The following MYCT1 variants were observed in gnomAD, a reference collection of about 807,000 sequenced individuals.
MYCT1 encodes MYC target 1.
Under a neutral mutation model 15.0 loss-of-function variants are expected in MYCT1, and 12 were observed. The observed-to-expected ratio is 0.80, with a 90% CI of 0.51 to 1.29. MYCT1 has a LOEUF of 1.29. Among genes scored for constraint, MYCT1 ranks in the 50% most tolerant of loss-of-function variants. The pLI, the probability that MYCT1 is intolerant of heterozygous loss-of-function variation, is 0.00. For missense variants in MYCT1, 287 were observed against 279.1 expected, an observed-to-expected ratio of 1.03 and a Z score of -0.20; for synonymous variants, 104 against 102.7, an observed-to-expected ratio of 1.01 and a Z score of -0.07.
the MYCT1 span, among the ~76,000 whole-genome samples, chr6:152,736,405 G>A: frequency 1.3e-5 from 2 of 152,102 alleles, no homozygotes; most frequent in African/African-American, 4.8e-5. Flanking sequence ...ATCCTGTTGA[G>A]TCAAACCCCA....
Position 152,724,092 on chromosome 6 carries a change from A to G in MYCT1, c.*1839A>G, listed in dbSNP as rs6934838. On this transcript the variant is annotated 3_prime_UTR_variant, in exon 2 of 2. Coordinates refer to ENST00000367245, the MANE Select transcript of MYCT1 (RefSeq NM_025107.3). ...AAACATGCCAAAAGGAAAAAGTAAG[A>G]GAAAGAGGGAGCAAGAAGAAAATGG... The G allele has an allele frequency of 0.68, 102,736 of 151,946 alleles. 35,035 individuals are homozygous for G. The highest frequency in any genetic ancestry group is 0.82 in the East Asian group (4,264 of 5,176). 9.4% of individuals were successfully genotyped at this position (151,946 alleles called of 1,614,324 possible). A position where few individuals can be genotyped will look rare whatever the true frequency, so the allele number is the denominator to read the frequency against.
downstream of MYCT1, among the ~76,000 whole-genome samples, chr6:152,727,219 A>T (rs541587753): frequency 6.9e-5 from 8 of 115,714 alleles, no homozygotes; most frequent in African/African-American, 1.5e-4. Context: ...TCAAAAAAAA[A>T]AAAAAAATAT....
the MYCT1 span, among the ~76,000 whole-genome samples, chr6:152,744,658 A>G: frequency 6.6e-6 from 1 of 151,924 alleles, no homozygotes; most frequent in Non-Finnish European, 1.5e-5. Context: ...CTAGGGGAAT[A>G]AATACCCAGA....
the MYCT1 span, among the ~76,000 whole-genome samples, chr6:152,746,559 G>T: frequency 6.6e-6 from 1 of 152,204 alleles, no homozygotes; most frequent in Non-Finnish European, 1.5e-5. Flanking sequence ...AAGAGAAACT[G>T]CAGATAAGGG....
the MYCT1 span, among the ~76,000 whole-genome samples, chr6:152,743,993 C>T: frequency 3.0e-4 from 46 of 152,296 alleles, no homozygotes; most frequent in African/African-American, 1.1e-3. Flanking sequence ...GGGCCAGGCG[C>T]CAGCAGCCCT....
the MYCT1 span, among the ~76,000 whole-genome samples, chr6:152,729,835 G>A: frequency 6.6e-6 from 1 of 152,194 alleles, no homozygotes; most frequent in Non-Finnish European, 1.5e-5. Flanking sequence ...TTCTAACTGG[G>A]CAAATGGCAG....
the MYCT1 span, among the ~76,000 whole-genome samples, chr6:152,739,162 G>T: frequency 1.3e-5 from 2 of 151,126 alleles, no homozygotes; most frequent in African/African-American, 4.9e-5. Flanking sequence ...CACTAGAATT[G>T]GTTTCTTCGT....
chr6:152,716,867 T>G (rs1460843902), intron 1 of MYCT1, among the ~76,000 whole-genome samples: 1 of 152,236 alleles, frequency 6.6e-6, no homozygotes. Flanking sequence ...TCTCATAAGT[T>G]GCATTATATT....
downstream of MYCT1, among the ~76,000 whole-genome samples, chr6:152,728,315 C>G (rs775313356): frequency 6.6e-6 from 1 of 152,106 alleles, no homozygotes; most frequent in African/African-American, 2.4e-5. Flanking sequence ...AGAAGTCAAA[C>G]AGCCAAATGG....
downstream of MYCT1, among the ~76,000 whole-genome samples, chr6:152,725,726 G>T (rs1012113747): frequency 6.6e-6 from 1 of 152,184 alleles, no homozygotes; most frequent in African/African-American, 2.4e-5. Flanking sequence ...AATGTATCAG[G>T]AGTCTTGCAC....
rs2099724874 is a variant in MYCT1 at position 152,722,379 on chromosome 6, GT to G, written c.*128del. 1 of 905,014 alleles carries G rather than the reference GT, an allele frequency of 1.1e-6. No individual in the cohort carries two copies. The highest frequency in any genetic ancestry group is 1.6e-6 in the Non-Finnish European group (1 of 611,870). 56.1% of individuals were successfully genotyped at this position (905,014 alleles called of 1,614,324 possible). A position where few individuals can be genotyped will look rare whatever the true frequency, so the allele number is the denominator to read the frequency against. ...CTCATGAGTTCCAAGTTGAAACATG[GT>G]TGTGCAAGTTGGACATTACAATGTA... On this transcript the variant is annotated 3_prime_UTR_variant, in exon 2 of 2. Coordinates refer to ENST00000367245, the MANE Select transcript of MYCT1 (RefSeq NM_025107.3).
chr6:152,708,764 C>G lies in MYCT1; in HGVS notation c.196+10666C>G, dbSNP rs546563406. On this transcript the variant is annotated intron_variant, in intron 1 of 1. Coordinates refer to ENST00000367245, the MANE Select transcript of MYCT1 (RefSeq NM_025107.3). The stretch of plus-strand genomic sequence containing the variant: ...TCTTAAAGATCCCAGTTTTCATTAT[C>G]CCCAGACTAAGGATTTTCTTCAGCA... Among the ~76,000 whole-genome samples, 14 of 152,086 alleles carry G rather than the reference C, an allele frequency of 9.2e-5. 1 individual carries two copies. In the South Asian group the frequency reaches 2.9e-3, roughly 32 times the overall value.
chr6:152,732,225 A>G, the MYCT1 span, among the ~76,000 whole-genome samples: 1 of 152,224 alleles, frequency 6.6e-6, no homozygotes, highest in African/African-American at 2.4e-5. Context: ...CAATGTCATC[A>G]AAATTCTGAC....
rs570217029 is a variant in MYCT1 at position 152,722,003 on chromosome 6, C to A, written c.458C>A (p.Ala153Glu). The part of the protein sequence containing the change: ...TFQRQASLEQ[A>E]NSFPRKSSFR... ...CAGCGACAAGCTTCCCTGGAACAAG[C>A]AAATTCCTTTCCAAGAAAATCAAGT... The change falls in exon 2 of 2, where the codon GCA becomes GAA. Residue 153 changes from alanine (A) to glutamate (E), a missense_variant. Physicochemically the swap from Ala to Glu is moderately radical, Grantham distance 107. Coordinates refer to ENST00000367245, the MANE Select transcript of MYCT1 (RefSeq NM_025107.3). 2.0e-5 allele frequency: 33 copies of A among 1,614,168 alleles called. 1 individual carries two copies. The South Asian group carries it at 3.2e-4, about 16-fold the overall frequency.
At chr6:152,698,198 A>T in intron 1 of MYCT1, 100 bp downstream of exon 1, 1 of 613,352 alleles carries the variant, frequency 1.6e-6, no homozygotes, top group East Asian at 3.3e-5. Flanking sequence ...CATTTTGTTT[A>T]CTATAATGTG....
At chr6:152,700,710 A>G (rs905232698) in intron 1 of MYCT1, among the ~76,000 whole-genome samples, 3 of 152,178 alleles carry the variant, frequency 2.0e-5, no homozygotes, top group Non-Finnish European at 4.4e-5. Context: ...AAAATTTGCC[A>G]TGTCCTCCTC....
At chr6:152,701,775 C>A (rs1368738271) in intron 1 of MYCT1, among the ~76,000 whole-genome samples, 1 of 152,178 alleles carries the variant, frequency 6.6e-6, no homozygotes, top group African/African-American at 2.4e-5. Context: ...TATTAGCTAA[C>A]AGCATGGCTT....
chr6:152,703,389 T>C (rs1351242201), intron 1 of MYCT1, among the ~76,000 whole-genome samples: 1 of 152,224 alleles, frequency 6.6e-6, no homozygotes, highest in Non-Finnish European at 1.5e-5. Context: ...CATTTTATTA[T>C]GAAAATGTTC....
Position 152,709,166 on chromosome 6 carries a change from A to G in MYCT1, c.196+11068A>G, listed in dbSNP as rs1317657332. Among the ~76,000 whole-genome samples, 76 of 19,716 alleles carry G rather than the reference A, an allele frequency of 3.9e-3. 14 individuals carry two copies. The highest frequency in any genetic ancestry group is 0.021 in the Middle Eastern group (1 of 48). 12.9% of individuals were successfully genotyped at this position (19,716 alleles called of 152,430 possible). A position where few individuals can be genotyped will look rare whatever the true frequency, so the allele number is the denominator to read the frequency against. Reference sequence around the variant, plus strand: ...AGAATGATGGTTTCCAATTTCATCCATGTCCCTACAAAGGATATGAACTCA... The same window carrying G: ...AGAATGATGGTTTCCAATTTCATCCGTGTCCCTACAAAGGATATGAACTCA... On this transcript the variant is annotated intron_variant, in intron 1 of 1. Transcript: ENST00000367245.
Sources: allele counts gnomAD v4.1 joint callset (sites outside exome capture counted in the v4.1 genomes callset), GRCh38; gene constraint gnomAD v4.1.1; transcripts MANE v1.5; gene names NCBI Gene and HGNC (gene_info 2026-07-23, HGNC 2026-07-21).